FRMPD4: variants seen among roughly 807,000 people sequenced by gnomAD.
FRMPD4 encodes the protein FERM and PDZ domain containing 4, also known as FERM and PDZ domain-containing protein 4.
A neutral mutation model predicts 94.1 loss-of-function variants in FRMPD4; 22 were observed. The observed-to-expected ratio is 0.23, with a 90% confidence interval of 0.17 to 0.33. The LOEUF (loss-of-function observed/expected upper bound fraction) is 0.33. Ranked by LOEUF, FRMPD4 falls within the 10% of genes least tolerant of loss-of-function variation. The pLI is 1.00. For synonymous variants in FRMPD4, 631 were observed against 548.6 expected (o/e 1.15, Z -2.10); for missense variants, 1,111 against 1,339.9 (o/e 0.83, Z 2.67).
At chrX:12,112,257 G>A (rs1455173066) in intron 3 of FRMPD4, among the ~76,000 whole-genome samples, 2 of 110,915 alleles carry the variant, frequency 1.8e-5, no homozygotes, top group African/African-American at 6.6e-5. Context: ...ATGAGTTCAT[G>A]TCCTTTGTAG....
intron 2 of FRMPD4, among the ~76,000 whole-genome samples, chrX:12,517,287 C>A (rs1438574857): frequency 9.0e-6 from 1 of 111,687 alleles, no homozygotes; most frequent in Non-Finnish European, 1.9e-5. Context: ...GGCACTCTGG[C>A]TTTTTGAGCT....
chrX:11,850,039 G>A (rs1443410548), intron 1 of FRMPD4, among the ~76,000 whole-genome samples: 2 of 111,905 alleles, frequency 1.8e-5, no homozygotes, highest in Non-Finnish European at 3.8e-5. Flanking sequence ...CTGATAAGGG[G>A]CTAATATATT....
chrX:12,401,789 T>G (rs1194829038), intron 1 of FRMPD4, among the ~76,000 whole-genome samples: 1 of 111,920 alleles, frequency 8.9e-6, no homozygotes, highest in East Asian at 2.8e-4. Flanking sequence ...ATTCATCCAG[T>G]GCACAAATAG....
At chrX:12,297,533 C>T (rs4830463) in intron 1 of FRMPD4, among the ~76,000 whole-genome samples, 10,929 of 110,331 alleles carry the variant, frequency 0.099, 445 homozygotes, top group Admixed American at 0.17. Context: ...GGGAGTGATA[C>T]GGAATTGTGG....
At chrX:12,468,150 C>T (rs983067093) in intron 1 of FRMPD4, among the ~76,000 whole-genome samples, 8 of 112,119 alleles carry the variant, frequency 7.1e-5, no homozygotes, top group Non-Finnish European at 9.4e-5. Context: ...TTACCCTACA[C>T]ATCATGGGAT....
chrX:11,943,042 C>T (rs1203066957), intron 3 of FRMPD4, among the ~76,000 whole-genome samples: 2 of 111,810 alleles, frequency 1.8e-5, no homozygotes, highest in Admixed American at 9.5e-5. Context: ...AGCAAATAGT[C>T]GGATTTCACA....
chrX:12,294,195 G>C (rs1343788715), intron 1 of FRMPD4, among the ~76,000 whole-genome samples: 1 of 111,325 alleles, frequency 9.0e-6, no homozygotes, highest in Non-Finnish European at 1.9e-5. Flanking sequence ...TGTCCCTGGA[G>C]GGTGTCCCTA....
At chrX:12,135,611 C>T (rs1226537835), upstream of FRMPD4, among the ~76,000 whole-genome samples, 2 of 108,283 alleles carry the variant, frequency 1.8e-5, no homozygotes, top group East Asian at 5.8e-4. Context: ...ATGGCATCTG[C>T]ATCATTCATA....
chrX:12,056,209 A>G (rs1192273701), intron 3 of FRMPD4, among the ~76,000 whole-genome samples: 1 of 112,207 alleles, frequency 8.9e-6, no homozygotes, highest in East Asian at 2.8e-4. Flanking sequence ...AAATCAGAAT[A>G]GGAGAAAAGG....
chrX:11,828,034 C>A (rs555932261), intron 1 of FRMPD4, among the ~76,000 whole-genome samples: 4 of 111,381 alleles, frequency 3.6e-5, no homozygotes, highest in African/African-American at 1.3e-4. Context: ...TTTTTATTCT[C>A]AAACATGAAG....
intron 1 of FRMPD4, among the ~76,000 whole-genome samples, chrX:12,355,581 T>C (rs2055883601): frequency 8.9e-6 from 1 of 112,273 alleles, no homozygotes; most frequent in African/African-American, 3.2e-5. Flanking sequence ...AATGTTATTA[T>C]ATTAGGTGCC....
intron 1 of FRMPD4, among the ~76,000 whole-genome samples, chrX:12,143,344 C>CA (rs1352797437): frequency 2.7e-5 from 3 of 111,956 alleles, no homozygotes; most frequent in East Asian, 5.5e-4. Flanking sequence ...TCAAAAATAT[C>CA]AAAAAAAGAA....
chrX:12,218,671 G>A (rs1453985319), intron 1 of FRMPD4, among the ~76,000 whole-genome samples: 1 of 111,923 alleles, frequency 8.9e-6, no homozygotes, highest in Non-Finnish European at 1.9e-5. Flanking sequence ...CCTTTCAAGG[G>A]TGATAATCAT....
chrX:12,469,353 G>A (rs1032571157), intron 1 of FRMPD4, among the ~76,000 whole-genome samples: 10 of 111,172 alleles, frequency 9.0e-5, no homozygotes, highest in Non-Finnish European at 1.9e-4. Context: ...AGGTTCAAGC[G>A]ATTCTCCTGA....
At chrX:12,056,972 T>C (rs1471234262) in intron 3 of FRMPD4, among the ~76,000 whole-genome samples, 6 of 112,196 alleles carry the variant, frequency 5.3e-5, no homozygotes, top group African/African-American at 1.9e-4. Context: ...AATTATGTTT[T>C]CTTTTTTGCC....
At chrX:12,547,857 A>T (rs2058494405) in intron 2 of FRMPD4, among the ~76,000 whole-genome samples, 1 of 112,237 alleles carries the variant, frequency 8.9e-6, no homozygotes, top group Non-Finnish European at 1.9e-5. Context: ...TCTAAATAAC[A>T]AAAGTAAACA....
At chrX:12,425,604 G>A (rs907985991) in intron 1 of FRMPD4, among the ~76,000 whole-genome samples, 5 of 111,757 alleles carry the variant, frequency 4.5e-5, no homozygotes, top group African/African-American at 1.6e-4. Context: ...GCAATGTCTG[G>A]AGACATTTTG....
chrX:12,135,944 C>T (rs188432626), upstream of FRMPD4, among the ~76,000 whole-genome samples: 12 of 111,350 alleles, frequency 1.1e-4, no homozygotes, highest in African/African-American at 3.6e-4. Flanking sequence ...GATGAGGGAA[C>T]GTGTCGGTGG....
intron 1 of FRMPD4, among the ~76,000 whole-genome samples, chrX:12,249,498 T>C (rs1173650965): frequency 9.0e-6 from 1 of 111,436 alleles, no homozygotes; most frequent in Admixed American, 9.5e-5. Context: ...GAATGGTTGC[T>C]CTGGGGCAGC....
Sources: gnomAD v4.1 joint callset for allele counts (sites outside exome capture counted in the v4.1 genomes callset) on GRCh38, gnomAD v4.1.1 for gene constraint, MANE v1.5 for transcripts, NCBI Gene and HGNC (gene_info 2026-07-23, HGNC 2026-07-21) for gene names.